Variants in WDFY3 observed in about 807,000 individuals in gnomAD.
WDFY3 encodes the protein WD repeat and FYVE domain containing 3.
WDFY3 carries 66 observed loss-of-function variants against 409.6 expected under a neutral mutation model. The observed-to-expected ratio is 0.16, with a 90% confidence interval of 0.13 to 0.20. The LOEUF (loss-of-function observed/expected upper bound fraction) is 0.20, where lower values mean the gene tolerates loss of function less well. Among genes scored for constraint, WDFY3 ranks in the 10% least tolerant of loss-of-function variants. The pLI, the probability that WDFY3 is intolerant of heterozygous loss-of-function variation, is 1.00. For missense variants in WDFY3, 3,031 were observed against 4,298.1 expected (o/e 0.71, Z 8.24); for synonymous variants, 1,521 against 1,537.1 (o/e 0.99, Z 0.25).
At chr4:84,738,222 CAT>C (rs1256466292) in intron 40 of WDFY3, among the ~76,000 whole-genome samples, 23 of 151,864 alleles carry the variant, frequency 1.5e-4, no homozygotes, top group African/African-American at 5.1e-4. Flanking sequence ...TATCACTAAA[CAT>C]GTGGAAATAA....
chr4:84,803,537 A>T, intron 15 of WDFY3, 70 bp from the exon 16 acceptor site: 1 of 1,490,596 alleles, frequency 6.7e-7, no homozygotes, highest in Non-Finnish European at 9.0e-7. Context: ...AGTTACTTTC[A>T]TCCACTGATA....
chr4:84,901,629 A>G (rs947440148), intron 2 of WDFY3, among the ~76,000 whole-genome samples: 12 of 152,238 alleles, frequency 7.9e-5, no homozygotes, highest in African/African-American at 2.9e-4. Context: ...CAACACCTGC[A>G]TATTGGAGGG....
chr4:84,715,776 G>GAAAAAAAA (rs370627075), intron 49 of WDFY3, among the ~76,000 whole-genome samples: 1 of 46,466 alleles, frequency 2.2e-5, no homozygotes, highest in Non-Finnish European at 4.2e-5. Context: ...CTCTGTCTCA[G>GAAAAAAAA]AAAAAAAAAA....
chr4:84,822,333 T>G (rs1348305159), intron 10 of WDFY3, among the ~76,000 whole-genome samples: 1 of 152,068 alleles, frequency 6.6e-6, no homozygotes, highest in South Asian at 2.1e-4. Flanking sequence ...AAAATTAACA[T>G]AGTGTCTGAC....
rs549451978 is a variant in WDFY3, at chr4:84,713,587, C to T, written c.7962-348G>A. ...ACCACCCTCATTTCCCAGGTGCTCA[C>T]GGGTAATATTACTGTACTGCAATGA... On this transcript the variant is annotated intron_variant, in intron 50 of 67. Transcript: ENST00000295888. 1.1e-4 allele frequency among the ~76,000 whole-genome samples: 17 copies of T among 152,222 alleles called. No individual in the cohort carries two copies. The South Asian group carries it at 3.1e-3, about 28-fold the overall frequency.
rs537912488 is a variant in WDFY3, at chr4:84,928,667, T to A, written c.-132+3603A>T. Among the ~76,000 whole-genome samples, 4 of 152,332 alleles carry A rather than the reference T, an allele frequency of 2.6e-5. No individual in the cohort carries two copies. The South Asian group carries it at 6.2e-4, about 24-fold the overall frequency. On this transcript the variant is annotated intron_variant, in intron 2 of 67. Coordinates refer to ENST00000295888, the MANE Select transcript of WDFY3 (RefSeq NM_014991.6). ...AAATATCCTCACATATGGCAGCTAA[T>A]TCCTAATACTTTATAATACCTTAGT...
At chr4:84,951,242 T>C (rs1254704949) in intron 1 of WDFY3, among the ~76,000 whole-genome samples, 3 of 152,248 alleles carry the variant, frequency 2.0e-5, no homozygotes, top group Admixed American at 6.5e-5. Context: ...GGTCAACATG[T>C]TTATCTTCTA....
intron 17 of WDFY3, among the ~76,000 whole-genome samples, chr4:84,800,183 G>C (rs987645436): frequency 2.0e-5 from 3 of 152,144 alleles, no homozygotes; most frequent in Non-Finnish European, 4.4e-5. Flanking sequence ...TTTAACAAAT[G>C]TTTACTGCAT....
intron 17 of WDFY3, among the ~76,000 whole-genome samples, chr4:84,799,403 C>T (rs890651903): frequency 6.6e-6 from 1 of 151,346 alleles, no homozygotes; most frequent in Non-Finnish European, 1.5e-5. Context: ...AACTGCTGAC[C>T]TCAAGTAATC....
intron 67 of WDFY3, among the ~76,000 whole-genome samples, chr4:84,674,042 C>T (rs1164518242): frequency 6.6e-6 from 1 of 152,170 alleles, no homozygotes; most frequent in Admixed American, 6.5e-5. Context: ...TCAAGAGTGT[C>T]AACAGCTCTC....
intron 36 of WDFY3, among the ~76,000 whole-genome samples, chr4:84,747,814 T>TA (rs565976811): frequency 1.4e-3 from 206 of 152,302 alleles, no homozygotes; most frequent in African/African-American, 4.7e-3. Context: ...GCCATGACTG[T>TA]AAGTTTCCTG....
intron 2 of WDFY3, among the ~76,000 whole-genome samples, chr4:84,899,416 T>A (rs1766056846): frequency 6.6e-6 from 1 of 152,206 alleles, no homozygotes; most frequent in Non-Finnish European, 1.5e-5. Context: ...TTAAACTAAG[T>A]GTATTTTAAG....
At chr4:84,684,472 T>C (rs1014634052) in intron 62 of WDFY3, among the ~76,000 whole-genome samples, 3 of 152,128 alleles carry the variant, frequency 2.0e-5, no homozygotes, top group Non-Finnish European at 4.4e-5. Flanking sequence ...CTTCCTCCCA[T>C]TGTTAACAAA....
chr4:84,858,244 T>C (rs1257645888), intron 4 of WDFY3, among the ~76,000 whole-genome samples: 1 of 152,166 alleles, frequency 6.6e-6, no homozygotes, highest in African/African-American at 2.4e-5. Flanking sequence ...GTTGACATTA[T>C]TATTATTTTA....
chr4:84,956,972 G>A (rs1426728216), intron 1 of WDFY3, among the ~76,000 whole-genome samples: 1 of 148,400 alleles, frequency 6.7e-6, no homozygotes, highest in Admixed American at 6.7e-5. Context: ...AGGTGACAAT[G>A]GTTTTCTTAA....
At chr4:84,795,489 C>A (rs1396761709) in intron 19 of WDFY3, among the ~76,000 whole-genome samples, 1 of 152,232 alleles carries the variant, frequency 6.6e-6, no homozygotes, top group Non-Finnish European at 1.5e-5. Context: ...AGCCTGGGCA[C>A]AGTGGCTCAC....
chr4:84,880,149 G>A (rs1307735525), intron 3 of WDFY3, among the ~76,000 whole-genome samples: 1 of 152,120 alleles, frequency 6.6e-6, no homozygotes, highest in African/African-American at 2.4e-5. Flanking sequence ...GGAAGCAGAG[G>A]TTGGAGTGAT....
intron 35 of WDFY3, among the ~76,000 whole-genome samples, chr4:84,752,414 G>A (rs986697224): frequency 6.6e-6 from 1 of 151,890 alleles, no homozygotes; most frequent in Non-Finnish European, 1.5e-5. Flanking sequence ...TACTCAGGAG[G>A]GTGAGGCAGT....
intron 24 of WDFY3, among the ~76,000 whole-genome samples, chr4:84,784,090 C>T (rs1172170692): frequency 6.6e-6 from 1 of 152,132 alleles, no homozygotes; most frequent in Non-Finnish European, 1.5e-5. Flanking sequence ...ACAGTGAATC[C>T]TTGATCTTAC....
Sources: allele counts gnomAD v4.1 joint callset (sites outside exome capture counted in the v4.1 genomes callset), GRCh38; gene constraint gnomAD v4.1.1; transcripts MANE v1.5; gene names NCBI Gene and HGNC (gene_info 2026-07-23, HGNC 2026-07-21).